CELSR1: variants seen among roughly 807,000 people sequenced by gnomAD.
CELSR1 encodes adhesion G protein-coupled receptor C1.
A neutral mutation model predicts 249.1 loss-of-function variants in CELSR1; 110 were observed. The ratio of observed to expected loss-of-function variants is 0.44; its 90% CI spans 0.38 to 0.52. The LOEUF is 0.52. Ranked by LOEUF, CELSR1 falls within the 20% of genes least tolerant of loss-of-function variation. The pLI, the probability that CELSR1 is intolerant of heterozygous loss-of-function variation, is 0.00. For synonymous variants in CELSR1, 2,113 were observed against 1,900.0 expected (o/e 1.11, Z -2.92); for missense variants, 4,109 against 4,296.4 (o/e 0.96, Z 1.22).
intron 5 of CELSR1, among the ~76,000 whole-genome samples, chr22:46,422,214 T>C (rs1008129469): frequency 1.3e-4 from 20 of 152,148 alleles, no homozygotes; most frequent in African/African-American, 4.8e-4. Flanking sequence ...CAAGAGATTC[T>C]CCTGCCTCAG....
rs907050161 is a variant in CELSR1, at chr22:46,445,518, C to T, written c.4184-6107G>A. ...TAAAAAAATGAATAAAAAATAAAGA[C>T]ACCAGTCATTGGATTTAGGGTCCAC... is the stretch of plus-strand genomic sequence containing the variant. On this transcript the variant is annotated intron_variant, in intron 2 of 34. Transcript: ENST00000674500. The surrounding 1 kb of genome is among the most constrained non-coding windows in gnomAD (Gnocchi z 4.4). Among the ~76,000 whole-genome samples the T allele has an allele frequency of 4.6e-5, 7 of 152,070 alleles. No individual in the cohort carries two copies. Among genetic ancestry groups the T allele is most frequent in the Admixed American group, 4.6e-4 (7 of 15,276 alleles).
rs1215280117 is a variant in CELSR1, at chr22:46,410,580, C to G, written c.4770-19G>C. On this transcript the variant is annotated intron_variant, in intron 6 of 34. Coordinates refer to ENST00000674500, the MANE Select transcript of CELSR1 (RefSeq NM_001378328.1). This position sits in a 1 kb window ranked among gnomAD's most constrained non-coding sequence, Gnocchi z 6.8. ...CAGGGACCTGGGTAGGTAAAGCCAT[C>G]TTCTGTGACGTCAGGGCGGGGAGAG... The G allele has an allele frequency of 2.5e-6, 4 of 1,608,898 alleles. No homozygotes were observed. Among genetic ancestry groups the G allele is most frequent in the Non-Finnish European group, 3.4e-6 (4 of 1,175,974 alleles).
intron 1 of CELSR1, among the ~76,000 whole-genome samples, chr22:46,533,029 A>G (rs1417336305): frequency 1.3e-5 from 2 of 152,222 alleles, no homozygotes; most frequent in Non-Finnish European, 2.9e-5. Context: ...ATCCAGGAGC[A>G]GAAGCCAAGA....
At position 46,427,015 on chromosome 22, in the gene CELSR1, G is replaced by C. The variant is rs949582252; in HGVS notation, c.4611+6378C>G. ...GAATGTGCAGAGCAGAGCAAACGCA[G>C]CAGTGCTCCAGTGAAGTTCATGGCT... On this transcript the variant is annotated intron_variant, in intron 5 of 34. Transcript: ENST00000674500. The surrounding 1 kb of genome is among the most constrained non-coding windows in gnomAD (Gnocchi z 4.2). 6.6e-6 allele frequency among the ~76,000 whole-genome samples: 1 copy of C among 152,206 alleles called. No individual in the cohort carries two copies. The highest frequency in any genetic ancestry group is 2.1e-4 in the South Asian group (1 of 4,832).
At chr22:46,400,393 G>A (rs537107163) in intron 9 of CELSR1, among the ~76,000 whole-genome samples, 11 of 150,408 alleles carry the variant, frequency 7.3e-5, no homozygotes, top group South Asian at 4.2e-4. Context: ...ATCCCAGCAC[G>A]TTGGGAGGCC....
intron 25 of CELSR1, among the ~76,000 whole-genome samples, chr22:46,372,239 C>T (rs1193400237): frequency 6.7e-6 from 1 of 148,784 alleles, no homozygotes; most frequent in Non-Finnish European, 1.5e-5. Flanking sequence ...CATGCATCCA[C>T]TCACTCACCC....
chr22:46,388,531 T>C (rs1487023378), intron 18 of CELSR1, among the ~76,000 whole-genome samples: 1 of 142,128 alleles, frequency 7.0e-6, no homozygotes, highest in Non-Finnish European at 1.5e-5. Context: ...CTGCATGGAC[T>C]GGAGGCCCTT....
intron 1 of CELSR1, among the ~76,000 whole-genome samples, chr22:46,509,178 TAG>T (rs1022085492): frequency 4.6e-5 from 7 of 152,090 alleles, no homozygotes; most frequent in African/African-American, 1.2e-4. Context: ...GGCCAAGTCC[TAG>T]AGAGTCCCCA....
intron 1 of CELSR1, among the ~76,000 whole-genome samples, chr22:46,525,416 T>C (rs893835486): frequency 6.8e-6 from 1 of 147,410 alleles, no homozygotes; most frequent in Non-Finnish European, 1.5e-5. Flanking sequence ...ACCATTGCAC[T>C]CCAGCCTGGG....
In CELSR1 at chr22:46,409,739, G is replaced by T; in HGVS notation, c.5059+16C>A. On this transcript the variant is annotated intron_variant, in intron 8 of 34. Coordinates refer to ENST00000674500, the MANE Select transcript of CELSR1 (RefSeq NM_001378328.1). The surrounding 1 kb of genome is among the most constrained non-coding windows in gnomAD (Gnocchi z 9.8). The stretch of plus-strand genomic sequence containing the variant: ...GGCCGCCGTGACCGGGGGGATGGAC[G>T]ACGCCGGCCACTCACCTTGCTCACA... The T allele has an allele frequency of 1.9e-6, 3 of 1,611,486 alleles. No individual in the cohort carries two copies. Among genetic ancestry groups the T allele is most frequent in the Non-Finnish European group, 1.7e-6 (2 of 1,179,920 alleles).
chr22:46,520,879 G>A lies in CELSR1; in HGVS notation c.3544+12748C>T, dbSNP rs569482890. On this transcript the variant is annotated intron_variant, in intron 1 of 34. Transcript: ENST00000674500. ...AAGTGAAACTCTGTCCCCATTAAAC[G>A]CAACTCCTGTCCCCTCCCCACCCCC... Among the ~76,000 whole-genome samples the A allele has an allele frequency of 2.6e-5, 4 of 152,080 alleles. No individual in the cohort carries two copies. In the East Asian group the frequency reaches 7.7e-4, roughly 29 times the overall value.
rs374676939 is a variant in CELSR1 at position 46,482,069 on chromosome 22, G to A, written c.3545-17724C>T. 7.5e-4 allele frequency among the ~76,000 whole-genome samples: 114 copies of A among 152,294 alleles called. 3 individuals are homozygous for A. In the South Asian group the frequency reaches 0.021, roughly 28 times the overall value. ...ATCACAGACATGAGCTACTGCACCC[G>A]GCTGACTTTTATAAATCTTGGCCAT... On this transcript the variant is annotated intron_variant, in intron 1 of 34. Transcript: ENST00000674500.
chr22:46,387,216 G>C (rs527557131), intron 18 of CELSR1, among the ~76,000 whole-genome samples: 14 of 152,294 alleles, frequency 9.2e-5, no homozygotes, highest in Admixed American at 3.3e-4. Flanking sequence ...TGGAAGGTCT[G>C]TTTGCTAGCC....
At chr22:46,508,296 TGTGCGGGA>T (rs1390634379) in intron 1 of CELSR1, among the ~76,000 whole-genome samples, 1 of 122,824 alleles carries the variant, frequency 8.1e-6, no homozygotes, top group Non-Finnish European at 1.8e-5. Context: ...ACCCAGCAGG[TGTGCGGGA>T]GGATTTGCCC....
rs1278938663 is a variant in CELSR1 at position 46,390,622 on chromosome 22, T to A, written c.6251-136A>T. 2 of 654,298 alleles carry A rather than the reference T, an allele frequency of 3.1e-6. No homozygotes were observed. The highest frequency in any genetic ancestry group is 5.2e-6 in the Non-Finnish European group (2 of 387,868). The allele number at this position is 654,298 out of a possible 1,614,324, so 40.5% of individuals were successfully genotyped here. ...TTAGAACCCCATGGGGGCCAGGAGG[T>A]CGACACCAGCGCCCCTCTTTCATGT... On this transcript the variant is annotated intron_variant, in intron 16 of 34. Transcript: ENST00000674500. The surrounding 1 kb of genome is among the most constrained non-coding windows in gnomAD (Gnocchi z 6.3).
Position 46,363,187 on chromosome 22 carries a change from C to T in CELSR1, c.*36G>A, listed in dbSNP as rs765758776. 100 of 1,613,356 alleles carry T rather than the reference C, an allele frequency of 6.2e-5. No homozygotes were observed. The highest frequency in any genetic ancestry group is 7.7e-5 in the Non-Finnish European group (91 of 1,179,858). ...GGGTGACGGGCTTGCCTCACGGTTT[C>T]CTGATGGTTCAAATTGAAGTTTCAT... is the stretch of plus-strand genomic sequence containing the variant. On this transcript the variant is annotated 3_prime_UTR_variant, in exon 35 of 35. Coordinates refer to ENST00000674500, the MANE Select transcript of CELSR1 (RefSeq NM_001378328.1). This position sits in a 1 kb window ranked among gnomAD's most constrained non-coding sequence, Gnocchi z 4.3.
At chr22:46,420,301 CAT>C (rs199584931) in intron 5 of CELSR1, among the ~76,000 whole-genome samples, 16,812 of 152,104 alleles carry the variant, frequency 0.11, 1,659 homozygotes, top group African/African-American at 0.27. Context: ...CTCAGCCACT[CAT>C]GTGCACTCAC....
In CELSR1 at chr22:46,523,409, G is replaced by A. The variant is rs150192883; in HGVS notation, c.3544+10218C>T. Among the ~76,000 whole-genome samples the A allele has an allele frequency of 2.6e-5, 4 of 152,052 alleles. No individual in the cohort carries two copies. The East Asian group carries it at 7.8e-4, about 30-fold the overall frequency. ...CTGGGTGTGGTAGCGGGCACCTGTA[G>A]TCCAGATACCCAAGGGGCAGAGGCA... is the stretch of plus-strand genomic sequence containing the variant. On this transcript the variant is annotated intron_variant, in intron 1 of 34. Transcript: ENST00000674500.
chr22:46,372,681 CA>C (rs1418766596), intron 25 of CELSR1, among the ~76,000 whole-genome samples: 1 of 152,138 alleles, frequency 6.6e-6, no homozygotes, highest in African/African-American at 2.4e-5. Context: ...AATGAGCTCA[CA>C]CCTCACAGAA....
Sources: allele counts gnomAD v4.1 joint callset (sites outside exome capture counted in the v4.1 genomes callset), GRCh38; gene constraint gnomAD v4.1.1; non-coding constraint Gnocchi (gnomAD v3.1); transcripts MANE v1.5; gene names NCBI Gene and HGNC (gene_info 2026-07-23, HGNC 2026-07-21).